ERC2: variants seen among roughly 807,000 people sequenced by gnomAD.
The protein encoded by ERC2 is ERC protein 2.
ERC2 carries 42 observed loss-of-function variants against 114.8 expected under a neutral mutation model. That is an observed-to-expected ratio of 0.37 (90% CI 0.29 to 0.47). ERC2 has a LOEUF of 0.47. ERC2 is among the 20% of genes least tolerant of loss of function. ERC2 has a pLI of 0.99. For missense variants in ERC2, 939 were observed against 1,150.7 expected, an observed-to-expected ratio of 0.82 and a Z score of 2.66; for synonymous variants, 454 against 425.5, an observed-to-expected ratio of 1.07 and a Z score of -0.82.
At chr3:55,634,843 T>C (rs894434893) in intron 17 of ERC2, among the ~76,000 whole-genome samples, 1 of 152,048 alleles carries the variant, frequency 6.6e-6, no homozygotes, top group Non-Finnish European at 1.5e-5. Flanking sequence ...CCCTTTCCCA[T>C]AGCACTTCAG....
At chr3:56,425,907 G>C (rs1278884183) in intron 2 of ERC2, among the ~76,000 whole-genome samples, 1 of 152,164 alleles carries the variant, frequency 6.6e-6, no homozygotes, top group Non-Finnish European at 1.5e-5. Context: ...GCTGCTGTTG[G>C]TGCAATTTCT....
At chr3:56,362,158 A>C (rs1190118368) in intron 2 of ERC2, among the ~76,000 whole-genome samples, 1 of 152,210 alleles carries the variant, frequency 6.6e-6, no homozygotes, top group Non-Finnish European at 1.5e-5. Flanking sequence ...GGTTGACCAA[A>C]GCCAGAGAGA....
chr3:55,994,324 T>A (rs1286254696), intron 10 of ERC2, among the ~76,000 whole-genome samples: 1 of 152,148 alleles, frequency 6.6e-6, no homozygotes, highest in Non-Finnish European at 1.5e-5. Flanking sequence ...AGTTCACAAA[T>A]AGCTAGCAGT....
At chr3:56,438,221 G>A (rs944824589) in intron 1 of ERC2, among the ~76,000 whole-genome samples, 13 of 152,068 alleles carry the variant, frequency 8.5e-5, no homozygotes, top group African/African-American at 2.9e-4. Flanking sequence ...GCTCAAACTC[G>A]CCAGATTACT....
At chr3:55,753,528 T>C (rs2066857327) in intron 14 of ERC2, among the ~76,000 whole-genome samples, 1 of 152,204 alleles carries the variant, frequency 6.6e-6, no homozygotes, top group Non-Finnish European at 1.5e-5. Context: ...CAAATGGTGA[T>C]GGTGCAATTG....
intron 15 of ERC2, among the ~76,000 whole-genome samples, chr3:55,727,622 T>C (rs1007757564): frequency 6.6e-6 from 1 of 152,186 alleles, no homozygotes; most frequent in Admixed American, 6.5e-5. Flanking sequence ...TCATATCACT[T>C]TTAGCTTTAT....
intron 17 of ERC2, among the ~76,000 whole-genome samples, chr3:55,683,109 T>C (rs2062139678): frequency 2.0e-5 from 3 of 152,244 alleles, no homozygotes; most frequent in African/African-American, 7.2e-5. Flanking sequence ...TAATTTCTAA[T>C]GCAAAGCCTC....
chr3:55,512,511 T>C (rs371710452), intron 17 of ERC2, among the ~76,000 whole-genome samples: 5 of 152,358 alleles, frequency 3.3e-5, no homozygotes, highest in African/African-American at 1.2e-4. Context: ...CATTTCTTAA[T>C]CATCCTTTTA....
chr3:55,733,791 C>T (rs547575953), intron 15 of ERC2, among the ~76,000 whole-genome samples: 1 of 152,266 alleles, frequency 6.6e-6, no homozygotes, highest in African/African-American at 2.4e-5. Context: ...AGAGAGCCTG[C>T]CCCAGGGGCT....
chr3:56,404,449 C>T (rs896179054), intron 2 of ERC2, among the ~76,000 whole-genome samples: 2 of 151,620 alleles, frequency 1.3e-5, no homozygotes, highest in South Asian at 2.1e-4. Flanking sequence ...TTGGGTAAAT[C>T]GAAGATATGC....
chr3:56,112,668 G>A (rs1270650542), intron 6 of ERC2, among the ~76,000 whole-genome samples: 1 of 152,168 alleles, frequency 6.6e-6, no homozygotes, highest in Non-Finnish European at 1.5e-5. Flanking sequence ...CTGTAAAGCA[G>A]AGTTCATGCA....
intron 13 of ERC2, among the ~76,000 whole-genome samples, chr3:55,928,188 T>C (rs2065859731): frequency 6.6e-6 from 1 of 152,194 alleles, no homozygotes; most frequent in South Asian, 2.1e-4. Context: ...CTCCAAACTG[T>C]TCTCCATAGT....
intron 17 of ERC2, among the ~76,000 whole-genome samples, chr3:55,591,690 T>C (rs2057898254): frequency 6.6e-6 from 1 of 151,982 alleles, no homozygotes; most frequent in South Asian, 2.1e-4. Context: ...AAGTCTTGAG[T>C]GGGTCCCGGG....
chr3:55,993,994 C>A (rs1048619698), intron 10 of ERC2, among the ~76,000 whole-genome samples: 2 of 152,102 alleles, frequency 1.3e-5, no homozygotes, highest in African/African-American at 4.8e-5. Flanking sequence ...ACTCCATATA[C>A]CTGCTTCTAT....
chr3:55,916,602 G>A (rs1249417610), intron 13 of ERC2, among the ~76,000 whole-genome samples: 7 of 152,146 alleles, frequency 4.6e-5, no homozygotes, highest in African/African-American at 9.7e-5. Context: ...TGCACTGAGC[G>A]TGTTCCCACT....
At chr3:55,667,523 A>G (rs1408938312) in intron 17 of ERC2, among the ~76,000 whole-genome samples, 1 of 152,208 alleles carries the variant, frequency 6.6e-6, no homozygotes, top group Non-Finnish European at 1.5e-5. Flanking sequence ...TGAGTCTGCC[A>G]TTCATCATCC....
At chr3:56,351,074 G>C (rs1250623301) in intron 2 of ERC2, among the ~76,000 whole-genome samples, 1 of 152,070 alleles carries the variant, frequency 6.6e-6, no homozygotes. Context: ...GAGGCAGACA[G>C]AGGAAAGAAA....
intron 14 of ERC2, among the ~76,000 whole-genome samples, chr3:55,847,823 C>T (rs2061426867): frequency 6.6e-6 from 1 of 152,144 alleles, no homozygotes; most frequent in South Asian, 2.1e-4. Flanking sequence ...ATTTTTGAGA[C>T]AGAGTCTCAC....
chr3:55,753,659 A>G (rs1288488137), intron 14 of ERC2, among the ~76,000 whole-genome samples: 1 of 152,244 alleles, frequency 6.6e-6, no homozygotes, highest in Non-Finnish European at 1.5e-5. Flanking sequence ...TGGGAATTTC[A>G]CTGGGGCAAA....
Sources: allele counts gnomAD v4.1 joint callset (sites outside exome capture counted in the v4.1 genomes callset), GRCh38; gene constraint gnomAD v4.1.1; transcripts MANE v1.5; gene names NCBI Gene and HGNC (gene_info 2026-07-23, HGNC 2026-07-21).